Variants in WDR27 observed in about 807,000 individuals in gnomAD.
The protein encoded by WDR27 is WD repeat domain 27, also known as WD repeat-containing protein 27.
In WDR27, 100 loss-of-function variants were observed where a neutral mutation model predicts 114.4. The ratio of observed to expected loss-of-function variants is 0.87; its 90% CI spans 0.74 to 1.03. WDR27 has a LOEUF of 1.03. Among genes scored for constraint, WDR27 ranks in the 50% least tolerant of loss-of-function variants. The pLI is 0.00. For synonymous variants in WDR27, 449 were observed against 423.1 expected, an observed-to-expected ratio of 1.06 and a Z score of -0.75; for missense variants, 1,129 against 1,092.9, an observed-to-expected ratio of 1.03 and a Z score of -0.47.
At chr6:169,431,728 A>G in the WDR27 span, among the ~76,000 whole-genome samples, 1 of 152,214 alleles carries the variant, frequency 6.6e-6, no homozygotes, top group Admixed American at 6.5e-5. Flanking sequence ...TGGACTGTCA[A>G]AGTTTAAATA....
intron 24 of WDR27, among the ~76,000 whole-genome samples, chr6:169,581,004 C>T (rs999881324): frequency 7.4e-5 from 11 of 148,100 alleles, no homozygotes; most frequent in African/African-American, 2.7e-4. Context: ...CTTAATGAAT[C>T]AGTGTGATGT....
chr6:169,683,263 A>G lies in WDR27; in HGVS notation c.189+5554T>C, dbSNP rs182138258. On this transcript the variant is annotated intron_variant, in intron 2 of 25. Transcript: ENST00000448612. Reference sequence around the variant, plus strand: ...AATACCCAAAGATATATTATAATCAAACTTTCAAAGGTCAAAGACAAAGAG... The same window carrying G: ...AATACCCAAAGATATATTATAATCAGACTTTCAAAGGTCAAAGACAAAGAG... Among the ~76,000 whole-genome samples, 15 of 152,328 alleles carry G rather than the reference A, an allele frequency of 9.8e-5. No homozygotes were observed. The East Asian group carries it at 2.7e-3, about 27-fold the overall frequency.
Position 169,626,788 on chromosome 6 carries a change from C to T in WDR27, c.2223+6159G>A, listed in dbSNP as rs529610894. On this transcript the variant is annotated intron_variant, in intron 21 of 25. Transcript: ENST00000448612. ...AGCAGTGGTTTTTAGACACACAGAA[C>T]CAGCCCTTCGAGAGGCCATGCGTTC... Among the ~76,000 whole-genome samples the T allele has an allele frequency of 2.6e-5, 4 of 152,344 alleles. No homozygotes were observed. The East Asian group carries it at 7.7e-4, about 29-fold the overall frequency.
chr6:169,451,288 C>T, the WDR27 span, among the ~76,000 whole-genome samples: 2 of 152,198 alleles, frequency 1.3e-5, no homozygotes, highest in African/African-American at 4.8e-5. Flanking sequence ...GCCCCCTGCG[C>T]GCTTTGACTT....
chr6:169,602,698 C>T (rs1421587652), intron 22 of WDR27, among the ~76,000 whole-genome samples: 2 of 151,880 alleles, frequency 1.3e-5, no homozygotes, highest in Non-Finnish European at 2.9e-5. Context: ...AACATTCTAT[C>T]GAGGGTGGTT....
intron 19 of WDR27, among the ~76,000 whole-genome samples, 192 bp downstream of exon 19, chr6:169,636,179 C>T (rs1817621643): frequency 1.3e-5 from 2 of 152,144 alleles, no homozygotes; most frequent in African/African-American, 4.8e-5. Flanking sequence ...GCCAAAGGCC[C>T]CGCGCATAGT....
chr6:169,656,023 G>A (rs921133702), intron 13 of WDR27, among the ~76,000 whole-genome samples: 3 of 151,732 alleles, frequency 2.0e-5, no homozygotes, highest in Non-Finnish European at 2.9e-5. Flanking sequence ...CACCCAGCTG[G>A]AGAGTTTTAT....
In WDR27 at chr6:169,560,119, G is replaced by C. The variant is rs574172556; in HGVS notation, c.2645+12300C>G. Among the ~76,000 whole-genome samples the C allele has an allele frequency of 5.9e-5, 9 of 152,216 alleles. No individual in the cohort carries two copies. The East Asian group carries it at 1.5e-3, about 26-fold the overall frequency. On this transcript the variant is annotated intron_variant, in intron 25 of 25. Coordinates refer to ENST00000448612, the MANE Select transcript of WDR27 (RefSeq NM_182552.5). Reference sequence around the variant, plus strand: ...ATCGTATCTCCCAGAATTCCCACAAGTTGTGGGAGGGACCCAGGGGAAGGT... The same window carrying C: ...ATCGTATCTCCCAGAATTCCCACAACTTGTGGGAGGGACCCAGGGGAAGGT...
intron 2 of WDR27, among the ~76,000 whole-genome samples, chr6:169,676,100 A>T (rs1395960903): frequency 6.6e-6 from 1 of 152,042 alleles, no homozygotes; most frequent in East Asian, 1.9e-4. Context: ...GTAGGGCATG[A>T]CTCCCTAGGC....
At chr6:169,551,737 CA>C (rs1296878043) in intron 25 of WDR27, among the ~76,000 whole-genome samples, 27,408 of 60,394 alleles carry the variant, frequency 0.45, 2,372 homozygotes, top group South Asian at 0.51. Context: ...GACTCCATCT[CA>C]AAAAAAAAAA....
At chr6:169,562,149 T>A (rs73790004) in intron 25 of WDR27, among the ~76,000 whole-genome samples, 1 of 152,072 alleles carries the variant, frequency 6.6e-6, no homozygotes. Context: ...GACAAACACA[T>A]ACCACATAAG....
chr6:169,628,270 C>T (rs1053472599), intron 21 of WDR27, among the ~76,000 whole-genome samples: 2 of 152,210 alleles, frequency 1.3e-5, no homozygotes, highest in African/African-American at 4.8e-5. Context: ...TGATCTCACA[C>T]TTGCCAGCCT....
chr6:169,457,454 G>A lies in WDR27; in HGVS notation c.*138C>T. ...ACAGAGGGGAGGAGCTTGCAAACGG[G>A]GGAAATCTGAGGCAAGTCTCAAAAT... On this transcript the variant is annotated 3_prime_UTR_variant, in exon 26 of 26. Transcript: ENST00000448612. 1.5e-6 allele frequency: 1 copy of A among 674,088 alleles called. No homozygotes were observed. Among genetic ancestry groups the A allele is most frequent in the Non-Finnish European group, 2.4e-6 (1 of 410,080 alleles). 41.8% of individuals were successfully genotyped at this position (674,088 alleles called of 1,614,324 possible). A position where few individuals can be genotyped will look rare whatever the true frequency, so the allele number is the denominator to read the frequency against.
intron 25 of WDR27, among the ~76,000 whole-genome samples, chr6:169,509,432 A>C (rs1792458003): frequency 6.6e-6 from 1 of 152,172 alleles, no homozygotes. Context: ...GAAAACAGAG[A>C]TATAGACCAA....
intron 21 of WDR27, among the ~76,000 whole-genome samples, chr6:169,629,335 C>T (rs1034838105): frequency 6.6e-6 from 1 of 152,082 alleles, no homozygotes; most frequent in Admixed American, 6.5e-5. Context: ...AAAAAAATCT[C>T]AGCCTAAGCT....
At chr6:169,564,359 C>T (rs1285940507) in intron 25 of WDR27, among the ~76,000 whole-genome samples, 1 of 152,184 alleles carries the variant, frequency 6.6e-6, no homozygotes, top group East Asian at 1.9e-4. Context: ...TCCCAGCTCA[C>T]AGACTCCAAT....
the WDR27 span, chr6:169,426,537 TAAAAG>T: frequency 6.6e-6 from 1 of 152,056 alleles, no homozygotes; most frequent in African/African-American, 2.4e-5. Context: ...TCTGAGCTAT[TAAAAG>T]AAAAAAGCTG....
downstream of WDR27, among the ~76,000 whole-genome samples, chr6:169,455,511 AATAAAC>A (rs1385448768): frequency 6.6e-6 from 1 of 152,244 alleles, no homozygotes; most frequent in Admixed American, 6.5e-5. Flanking sequence ...ACAGATAAAA[AATAAAC>A]ATGATACATC....
chr6:169,461,969 C>A (rs1784961214), intron 25 of WDR27, among the ~76,000 whole-genome samples: 1 of 151,936 alleles, frequency 6.6e-6, no homozygotes, highest in Non-Finnish European at 1.5e-5. Context: ...ACTACTAATT[C>A]TTCAGAAATA....
Sources: allele counts gnomAD v4.1 joint callset (sites outside exome capture counted in the v4.1 genomes callset), GRCh38; gene constraint gnomAD v4.1.1; transcripts MANE v1.5; gene names NCBI Gene and HGNC (gene_info 2026-07-23, HGNC 2026-07-21).